Variants in KYNU observed in about 807,000 individuals in gnomAD.
KYNU encodes the protein L-kynurenine hydrolase.
KYNU carries 54 observed loss-of-function variants against 59.2 expected under a neutral mutation model. The observed-to-expected ratio is 0.91, with a 90% CI of 0.73 to 1.14. KYNU has a LOEUF of 1.14. KYNU is among the 50% of genes most tolerant of loss of function. KYNU has a pLI of 0.00. For missense variants in KYNU, 567 were observed against 554.4 expected, an observed-to-expected ratio of 1.02 and a Z score of -0.23; for synonymous variants, 177 against 192.0, an observed-to-expected ratio of 0.92 and a Z score of 0.65.
intron 10 of KYNU, among the ~76,000 whole-genome samples, chr2:143,007,557 C>T (rs1314560140): frequency 7.7e-5 from 9 of 117,050 alleles, no homozygotes; most frequent in South Asian, 3.2e-4. Flanking sequence ...ATACAGAGAA[C>T]GCCACAAAGA....
intron 2 of KYNU, among the ~76,000 whole-genome samples, chr2:142,912,802 C>T (rs1337965768): frequency 1.3e-5 from 2 of 150,988 alleles, no homozygotes; most frequent in Admixed American, 6.6e-5. Flanking sequence ...CTCTGCCTCC[C>T]GGGTTCACGC....
intron 2 of KYNU, among the ~76,000 whole-genome samples, chr2:142,888,494 G>T (rs946540046): frequency 2.6e-5 from 4 of 152,084 alleles, no homozygotes; most frequent in African/African-American, 9.7e-5. Context: ...TTTGAATGAT[G>T]TAAAACTTTA....
intron 10 of KYNU, among the ~76,000 whole-genome samples, chr2:143,017,612 A>G (rs1169518099): frequency 6.6e-6 from 1 of 150,756 alleles, no homozygotes; most frequent in Non-Finnish European, 1.5e-5. Flanking sequence ...CTAATTTTGT[A>G]TTTTTAGTAG....
intron 8 of KYNU, among the ~76,000 whole-genome samples, chr2:142,966,985 A>G (rs1408057003): frequency 6.6e-6 from 1 of 151,954 alleles, no homozygotes; most frequent in African/African-American, 2.4e-5. Context: ...ATTAAAAAAA[A>G]AAAGAAAAGA....
chr2:143,053,925 A>G lies in KYNU; in HGVS notation c.*11753A>G, dbSNP rs1687310655. The G allele has an allele frequency of 6.6e-6, 1 of 152,186 alleles. No homozygotes were observed. The highest frequency in any genetic ancestry group is 2.1e-4 in the South Asian group (1 of 4,826). The allele number at this position is 152,186 out of a possible 1,614,324, so 9.4% of individuals were successfully genotyped here. A position where few individuals can be genotyped will look rare whatever the true frequency, so the allele number is the denominator to read the frequency against. On this transcript the variant is annotated 3_prime_UTR_variant, in exon 14 of 14. Transcript: ENST00000264170. ...AGCCCTTAACCTGTGGGGTTGAATGATATCTCCAGGTATATCATGTCAGAA... is the reference window on the plus strand; with the variant it reads ...AGCCCTTAACCTGTGGGGTTGAATGGTATCTCCAGGTATATCATGTCAGAA...
chr2:142,911,317 T>A (rs1682472940), intron 2 of KYNU, among the ~76,000 whole-genome samples: 1 of 152,156 alleles, frequency 6.6e-6, no homozygotes, highest in Non-Finnish European at 1.5e-5. Flanking sequence ...TACTGTTTTT[T>A]CGCTGTTGCA....
intron 4 of KYNU, among the ~76,000 whole-genome samples, chr2:142,945,549 G>T (rs1449424623): frequency 6.6e-6 from 1 of 151,960 alleles, no homozygotes. Flanking sequence ...CATCCATGAG[G>T]GTTGGAATAA....
intron 4 of KYNU, among the ~76,000 whole-genome samples, chr2:142,940,091 T>C (rs1192121543): frequency 6.6e-6 from 1 of 152,206 alleles, no homozygotes; most frequent in Non-Finnish European, 1.5e-5. Flanking sequence ...CAATCCTGAA[T>C]TGCATTTAAA....
At chr2:142,989,182 G>A (rs1344304064) in intron 10 of KYNU, among the ~76,000 whole-genome samples, 3 of 151,778 alleles carry the variant, frequency 2.0e-5, no homozygotes, top group Non-Finnish European at 2.9e-5. Flanking sequence ...ATAGTTCCAC[G>A]GTCAAATCCA....
chr2:143,017,434 C>CTTTTTTTTTTTTTTTTTTTTTTTTTTTTT (rs1184177776), intron 10 of KYNU, among the ~76,000 whole-genome samples: 1 of 68,448 alleles, frequency 1.5e-5, no homozygotes. Flanking sequence ...TCTCTTTTTT[C>CTTTTTTTTTTTTTTTTTTTTTTTTTTTTT]TTTTTTTTTT....
intron 8 of KYNU, among the ~76,000 whole-genome samples, chr2:142,976,500 A>G (rs1305748163): frequency 8.5e-5 from 13 of 152,308 alleles, no homozygotes; most frequent in Admixed American, 7.2e-4. Flanking sequence ...CTCTAGGACA[A>G]CGGGGTTTTT....
At chr2:143,029,821 A>T (rs1686691845) in intron 11 of KYNU, 142 bp downstream of exon 11, 1 of 651,460 alleles carries the variant, frequency 1.5e-6, no homozygotes, top group Non-Finnish European at 2.8e-6. Context: ...ATAAGAAATG[A>T]CATTTCCAGA....
chr2:142,932,227 T>A (rs923716061), intron 4 of KYNU, among the ~76,000 whole-genome samples: 4 of 152,072 alleles, frequency 2.6e-5, no homozygotes, highest in African/African-American at 9.7e-5. Flanking sequence ...TGGAAAGAGT[T>A]GTGGAGTCTT....
At chr2:142,878,967 T>C (rs1681195593) in intron 1 of KYNU, among the ~76,000 whole-genome samples, 1 of 152,236 alleles carries the variant, frequency 6.6e-6, no homozygotes, top group Admixed American at 6.5e-5. Context: ...CCATATGGTA[T>C]GTATGTCCCC....
At chr2:142,997,226 C>T (rs1685569998) in intron 10 of KYNU, among the ~76,000 whole-genome samples, 1 of 151,998 alleles carries the variant, frequency 6.6e-6, no homozygotes, top group African/African-American at 2.4e-5. Context: ...GATAAATTTC[C>T]AATTGTTCTC....
rs988330697 is a variant in KYNU at position 142,927,185 on chromosome 2, T to C, written c.291-474T>C. On this transcript the variant is annotated intron_variant, in intron 3 of 13. Coordinates refer to ENST00000264170, the MANE Select transcript of KYNU (RefSeq NM_003937.3). The stretch of plus-strand genomic sequence containing the variant: ...ATTCATAAATTTTGTTATTTACCTA[T>C]AAAATGGTATCATGAGTATAATCAC... Among the ~76,000 whole-genome samples the C allele has an allele frequency of 6.6e-5, 10 of 152,212 alleles. No individual in the cohort carries two copies. The East Asian group carries it at 1.7e-3, about 26-fold the overall frequency.
intron 12 of KYNU, among the ~76,000 whole-genome samples, chr2:143,035,821 A>G (rs989094569): frequency 6.6e-6 from 1 of 152,078 alleles, no homozygotes. Flanking sequence ...TGTCACTCCT[A>G]GAGTGCAGTG....
Position 143,047,852 on chromosome 2 carries a change from C to CTTTTTTTTTTTTTT in KYNU, c.*5693_*5706dup, listed in dbSNP as rs61229238. On this transcript the variant is annotated 3_prime_UTR_variant, in exon 14 of 14. Transcript: ENST00000264170. ...GGCATAAGCTGCCACTCCTGGACCT[C>CTTTTTTTTTTTTTT]TTTTTTTTTTTTTTTTTTTTTTTTT... 2 of 100,336 alleles carry CTTTTTTTTTTTTTT rather than the reference C, an allele frequency of 2.0e-5. 1 individual carries two copies. Among genetic ancestry groups the CTTTTTTTTTTTTTT allele is most frequent in the Non-Finnish European group, 3.8e-5 (2 of 52,724 alleles). 6.2% of individuals were successfully genotyped at this position (100,336 alleles called of 1,614,324 possible). A position where few individuals can be genotyped will look rare whatever the true frequency, so the allele number is the denominator to read the frequency against.
intron 2 of KYNU, among the ~76,000 whole-genome samples, chr2:142,900,710 A>G (rs777313753): frequency 3.3e-5 from 5 of 152,140 alleles, no homozygotes; most frequent in Non-Finnish European, 7.4e-5. Context: ...AGGAAAACCC[A>G]AGTGCTGTTG....
Sources: allele counts gnomAD v4.1 joint callset (sites outside exome capture counted in the v4.1 genomes callset), GRCh38; gene constraint gnomAD v4.1.1; transcripts MANE v1.5; gene names NCBI Gene and HGNC (gene_info 2026-07-23, HGNC 2026-07-21).